The following ADGRB1 variants were observed in gnomAD, a reference collection of about 807,000 sequenced individuals.
ADGRB1 encodes brain-specific angiogenesis inhibitor 1.
In ADGRB1, 36 loss-of-function variants were observed where a neutral mutation model predicts 175.7. That is an observed-to-expected ratio of 0.20 (90% CI 0.16 to 0.27). ADGRB1 has a LOEUF of 0.27. Among genes scored for constraint, ADGRB1 ranks in the 10% least tolerant of loss-of-function variants. ADGRB1 has a pLI of 1.00. For missense variants in ADGRB1, 1,731 were observed against 2,255.3 expected (o/e 0.77, Z 4.71); for synonymous variants, 1,054 against 979.4 (o/e 1.08, Z -1.42).
intron 17 of ADGRB1, among the ~76,000 whole-genome samples, chr8:142,506,136 C>T (rs1842839532): frequency 1.3e-5 from 2 of 152,224 alleles, no homozygotes; most frequent in African/African-American, 4.8e-5. Flanking sequence ...TAAACAGAAC[C>T]AGAACTTGTC....
chr8:142,456,034 T>C (rs1267270084), intron 1 of ADGRB1, among the ~76,000 whole-genome samples: 2 of 151,604 alleles, frequency 1.3e-5, no homozygotes, highest in Non-Finnish European at 2.9e-5. Context: ...AGCTCGGGGG[T>C]AATGGCCACC....
chr8:142,515,292 C>T (rs1335915962), intron 18 of ADGRB1, among the ~76,000 whole-genome samples: 1 of 152,228 alleles, frequency 6.6e-6, no homozygotes, highest in East Asian at 1.9e-4. Context: ...TCTGCCTCCC[C>T]TCGGCGTGAG....
Position 142,541,187 on chromosome 8 carries a change from C to T in ADGRB1, c.3707-754C>T, listed in dbSNP as rs369431003. On this transcript the variant is annotated intron_variant, in intron 27 of 30. Coordinates refer to ENST00000517894, the MANE Select transcript of ADGRB1 (RefSeq NM_001702.3). ...AGAAAGGAGGGGTGTGGAGGGTGGG[C>T]ACCCCTCTGTCAGGGGCAGGCGGCT... Among the ~76,000 whole-genome samples, 32 of 152,098 alleles carry T rather than the reference C, an allele frequency of 2.1e-4. 2 individuals carry two copies. Among genetic ancestry groups the T allele is most frequent in the Admixed American group, 1.7e-3 (26 of 15,296 alleles).
Position 142,520,019 on chromosome 8 carries a change from ATGGTGG to A in ADGRB1, c.2922-795_2922-790del, listed in dbSNP as rs1187049137. Among the ~76,000 whole-genome samples the A allele has an allele frequency of 3.7e-3, 379 of 101,246 alleles. 4 individuals carry two copies. Among genetic ancestry groups the A allele is most frequent in the African/African-American group, 0.014 (362 of 26,372 alleles). The allele number at this position is 101,246 out of a possible 152,430, so 66.4% of individuals were successfully genotyped here. A position where few individuals can be genotyped will look rare whatever the true frequency, so the allele number is the denominator to read the frequency against. ...GCTAGTGATTATGGTGATGGTGGTG[ATGGTGG>A]TGGTGGTGATGGTGGTAGTGATTGT... On this transcript the variant is annotated intron_variant, in intron 19 of 30. Transcript: ENST00000517894.
chr8:142,480,509 G>A (rs1347431768), intron 9 of ADGRB1, among the ~76,000 whole-genome samples: 2 of 152,204 alleles, frequency 1.3e-5, no homozygotes, highest in African/African-American at 4.8e-5. Flanking sequence ...AACAGGGCAT[G>A]TTCTCGGTAG....
chr8:142,475,625 G>C lies in ADGRB1; in HGVS notation c.936G>C (p.Glu312Asp). 1.6e-6 allele frequency: 2 copies of C among 1,231,104 alleles called. No homozygotes were observed. The highest frequency in any genetic ancestry group is 8.2e-5 in the South Asian group (2 of 24,380). 76.3% of individuals were successfully genotyped at this position (1,231,104 alleles called of 1,614,324 possible). A position where few individuals can be genotyped will look rare whatever the true frequency, so the allele number is the denominator to read the frequency against. ...AGGAGGGTCGCCAGTGCAACCGCGA[G>C]GCCTGCGGCCGTGAGTGCGGGCGGG... ...VLEEGRQCNR[E>D]ACGPAGRTSS... Residue 312 changes from glutamate (E) to aspartate (D), a missense_variant, in exon 3 of 31, where the codon GAG (glutamate) becomes GAC (aspartate). Physicochemically the swap from Glu to Asp is conservative, Grantham distance 45. Coordinates refer to ENST00000517894, the MANE Select transcript of ADGRB1 (RefSeq NM_001702.3).
chr8:142,522,523 T>C (rs1843911795), intron 21 of ADGRB1, 118 bp from the exon 22 acceptor site: 5 of 1,002,946 alleles, frequency 5.0e-6, no homozygotes, highest in Non-Finnish European at 5.8e-6. Flanking sequence ...CCCCATCCTC[T>C]GTTGGGGGCT....
intron 17 of ADGRB1, among the ~76,000 whole-genome samples, chr8:142,502,139 G>A (rs1563718528): frequency 4.0e-5 from 6 of 151,722 alleles, no homozygotes; most frequent in African/African-American, 1.2e-4. Flanking sequence ...TGATTATGGA[G>A]TGGTGGTGGT....
At chr8:142,458,831 T>C (rs1267862784) in intron 1 of ADGRB1, among the ~76,000 whole-genome samples, 1 of 152,224 alleles carries the variant, frequency 6.6e-6, no homozygotes, top group African/African-American at 2.4e-5. Flanking sequence ...TTGGTCACTG[T>C]CCTTGGGAAG....
chr8:142,464,067 C>A lies in ADGRB1; in HGVS notation c.-132C>A, dbSNP rs1055503733. 10 of 670,974 alleles carry A rather than the reference C, an allele frequency of 1.5e-5. 1 individual carries two copies. Among genetic ancestry groups the A allele is most frequent in the Non-Finnish European group, 1.8e-5 (9 of 491,078 alleles). 41.6% of individuals were successfully genotyped at this position (670,974 alleles called of 1,614,324 possible). On this transcript the variant is annotated 5_prime_UTR_variant, in exon 2 of 31. Transcript: ENST00000517894. Reference sequence around the variant, plus strand: ...TCTGTCACCTGAAGCGGGGCCCTCTCCCATCCCACCCTTGCCCCGCCTCCC... The same window carrying A: ...TCTGTCACCTGAAGCGGGGCCCTCTACCATCCCACCCTTGCCCCGCCTCCC...
chr8:142,489,113 G>T lies in ADGRB1; in HGVS notation c.2528+3G>T, dbSNP rs773149434. 31 of 1,601,768 alleles carry T rather than the reference G, an allele frequency of 1.9e-5. No homozygotes were observed. The highest frequency in any genetic ancestry group is 6.7e-5 in the South Asian group (6 of 89,644). On this transcript the variant is annotated splice_donor_region_variant and intron_variant, in intron 15 of 30. Transcript: ENST00000517894. ...GGCAGCTTCCTGGCCCTGCAGAGGT[G>T]GGGAGCCCTGGGCAGGTGGGGTGGG... is the stretch of plus-strand genomic sequence containing the variant.
In ADGRB1 at chr8:142,511,168, C is replaced by G. The variant is rs1445664198; in HGVS notation, c.2817+95C>G. The G allele has an allele frequency of 1.0e-6, 1 of 958,556 alleles. No homozygotes were observed. Among genetic ancestry groups the G allele is most frequent in the Non-Finnish European group, 1.3e-6 (1 of 797,290 alleles). 59.4% of individuals were successfully genotyped at this position (958,556 alleles called of 1,614,324 possible). ...GCGGGTGGGGAGGGCCCGCACCCGT[C>G]CTGTCCCGGAGGGGTCGCTGTGGCC... On this transcript the variant is annotated intron_variant, in intron 18 of 30. Transcript: ENST00000517894. The surrounding 1 kb of genome is among the most constrained non-coding windows in gnomAD (Gnocchi z 4.5).
In ADGRB1 at chr8:142,544,569, G is replaced by A. The variant is rs1416555353; in HGVS notation, c.*152G>A. The A allele has an allele frequency of 3.9e-5, 36 of 915,556 alleles. No individual in the cohort carries two copies. Among genetic ancestry groups the A allele is most frequent in the Non-Finnish European group, 4.8e-5 (32 of 663,210 alleles). The allele number at this position is 915,556 out of a possible 1,614,324, so 56.7% of individuals were successfully genotyped here. ...CAGACGGCGGCCAGGCACAGGGCCC[G>A]CAGTGCTGGGACCAGAGCCAGATGC... On this transcript the variant is annotated 3_prime_UTR_variant, in exon 31 of 31. Coordinates refer to ENST00000517894, the MANE Select transcript of ADGRB1 (RefSeq NM_001702.3).
intron 14 of ADGRB1, 59 bp from the exon 15 acceptor site, chr8:142,488,976 C>T: frequency 1.3e-6 from 2 of 1,571,782 alleles, no homozygotes; most frequent in South Asian, 2.3e-5. Context: ...GCCAGGCTGC[C>T]AAGTCCCACC....
intron 25 of ADGRB1, among the ~76,000 whole-genome samples, chr8:142,535,871 C>T (rs1030424255): frequency 3.9e-5 from 6 of 152,182 alleles, no homozygotes; most frequent in Non-Finnish European, 8.8e-5. Context: ...CTGTGGCGGC[C>T]TGGAGTCCTT....
intron 12 of ADGRB1, 97 bp downstream of exon 12, chr8:142,484,142 C>A: frequency 9.3e-7 from 1 of 1,080,640 alleles, no homozygotes; most frequent in Non-Finnish European, 1.3e-6. Context: ...GGGGTCCCGC[C>A]GGGTGCTCTG....
At chr8:142,520,692 G>A (rs1345473662) in intron 19 of ADGRB1, 131 bp from the exon 20 acceptor site, 2 of 725,904 alleles carry the variant, frequency 2.8e-6, no homozygotes, top group African/African-American at 1.7e-5. Flanking sequence ...GATGGTCATG[G>A]TGGTGGTGCT....
rs78040993 is a variant in ADGRB1 at position 142,511,811 on chromosome 8, G to A, written c.2817+738G>A. 1.3e-5 allele frequency among the ~76,000 whole-genome samples: 2 copies of A among 152,178 alleles called. No individual in the cohort carries two copies. The highest frequency in any genetic ancestry group is 4.8e-5 in the African/African-American group (2 of 41,422). ...ACAGCCCTCTACTGGGGCCCAGGCC[G>A]AGGCCCAGGACAGCCCACAGAGCAG... On this transcript the variant is annotated intron_variant, in intron 18 of 30. Transcript: ENST00000517894. The surrounding 1 kb of genome is among the most constrained non-coding windows in gnomAD (Gnocchi z 4.5).
Position 142,510,191 on chromosome 8 carries a change from G to C in ADGRB1, c.2676-741G>C, listed in dbSNP as rs1305415630. On this transcript the variant is annotated intron_variant, in intron 17 of 30. Transcript: ENST00000517894. The surrounding 1 kb of genome is among the most constrained non-coding windows in gnomAD (Gnocchi z 6.3). ...CAGTCCCTGGTGCACCAAGTAACAA[G>C]TCCTGTGCTTAAATGCGTGCTCAGA... is the stretch of plus-strand genomic sequence containing the variant. Among the ~76,000 whole-genome samples the C allele has an allele frequency of 1.3e-5, 2 of 152,154 alleles. No homozygotes were observed. Among genetic ancestry groups the C allele is most frequent in the Non-Finnish European group, 2.9e-5 (2 of 68,016 alleles).
Sources: gnomAD v4.1 joint callset for allele counts (sites outside exome capture counted in the v4.1 genomes callset) on GRCh38, gnomAD v4.1.1 for gene constraint, Gnocchi (gnomAD v3.1) non-coding constraint, MANE v1.5 for transcripts, NCBI Gene and HGNC (gene_info 2026-07-23, HGNC 2026-07-21) for gene names.